Variants in CTNNA2 observed in about 807,000 individuals in gnomAD.
CTNNA2 encodes catenin alpha 2.
Under a neutral mutation model 101.0 loss-of-function variants are expected in CTNNA2, and 42 were observed. The observed-to-expected ratio is 0.42, with a 90% CI of 0.32 to 0.54. CTNNA2 has a LOEUF of 0.54. Ranked by LOEUF, CTNNA2 falls within the 20% of genes least tolerant of loss-of-function variation. CTNNA2 has a pLI of 0.14. For synonymous variants in CTNNA2, 450 were observed against 456.4 expected, an observed-to-expected ratio of 0.99 and a Z score of 0.18; for missense variants, 871 against 1,223.1, an observed-to-expected ratio of 0.71 and a Z score of 4.29.
chr2:80,565,547 GT>G (rs1693982667), intron 12 of CTNNA2, among the ~76,000 whole-genome samples: 1 of 151,168 alleles, frequency 6.6e-6, no homozygotes, highest in Non-Finnish European at 1.5e-5. Flanking sequence ...GGTGAATCGT[GT>G]GGTTGTACCT....
At chr2:80,207,995 A>G (rs1707635371) in intron 7 of CTNNA2, among the ~76,000 whole-genome samples, 1 of 152,238 alleles carries the variant, frequency 6.6e-6, no homozygotes, top group Admixed American at 6.5e-5. Context: ...AGATCAGATG[A>G]AATAAGAACT....
chr2:80,633,986 A>C (rs1385059815), intron 18 of CTNNA2, among the ~76,000 whole-genome samples: 2 of 152,262 alleles, frequency 1.3e-5, no homozygotes, highest in African/African-American at 4.8e-5. Flanking sequence ...TGACAATCTC[A>C]TGTATTTGCA....
intron 7 of CTNNA2, among the ~76,000 whole-genome samples, chr2:80,203,964 C>T (rs1393053254): frequency 1.3e-5 from 2 of 152,232 alleles, no homozygotes; most frequent in Non-Finnish European, 2.9e-5. Flanking sequence ...CATGTGGAAG[C>T]TGCCAAGGCT....
chr2:79,704,599 G>A (rs1170069735), intron 2 of CTNNA2, among the ~76,000 whole-genome samples: 2 of 144,436 alleles, frequency 1.4e-5, no homozygotes, highest in Non-Finnish European at 3.0e-5. Context: ...TGCAAGCTCC[G>A]CCTCCCGGGT....
intron 1 of CTNNA2, among the ~76,000 whole-genome samples, chr2:79,197,415 T>C (rs750970391): frequency 6.6e-6 from 1 of 152,216 alleles, no homozygotes; most frequent in East Asian, 1.9e-4. Flanking sequence ...TGGGGCAAAA[T>C]ATAGAAGCTG....
At chr2:79,915,077 CA>C (rs1162795875) in intron 7 of CTNNA2, among the ~76,000 whole-genome samples, 1 of 151,850 alleles carries the variant, frequency 6.6e-6, no homozygotes, top group Admixed American at 6.6e-5. Flanking sequence ...TGCTGTTCCA[CA>C]ACACTAGATG....
intron 7 of CTNNA2, among the ~76,000 whole-genome samples, chr2:80,370,416 G>A (rs922048861): frequency 2.0e-5 from 3 of 152,154 alleles, no homozygotes; most frequent in East Asian, 1.9e-4. Flanking sequence ...TGTTCAAAAT[G>A]TTTAATATAG....
At chr2:79,905,369 A>G (rs932998463) in intron 6 of CTNNA2, among the ~76,000 whole-genome samples, 24 of 152,222 alleles carry the variant, frequency 1.6e-4, no homozygotes, top group African/African-American at 5.3e-4. Context: ...AAAAGATAAA[A>G]TGACTAAATG....
chr2:80,086,155 A>G (rs918985144), intron 7 of CTNNA2, among the ~76,000 whole-genome samples: 1 of 152,080 alleles, frequency 6.6e-6, no homozygotes, highest in Non-Finnish European at 1.5e-5. Context: ...TTTGACCCAA[A>G]TGTTGCAGAT....
intron 2 of CTNNA2, among the ~76,000 whole-genome samples, chr2:79,703,049 A>C (rs1452650735): frequency 1.3e-5 from 2 of 152,188 alleles, no homozygotes; most frequent in African/African-American, 4.8e-5. Flanking sequence ...AACACAGGGA[A>C]ATAGAGAACA....
intron 4 of CTNNA2, among the ~76,000 whole-genome samples, chr2:79,471,628 G>C (rs1671000279): frequency 6.6e-6 from 1 of 152,128 alleles, no homozygotes; most frequent in African/African-American, 2.4e-5. Context: ...CACGAGATCA[G>C]GAGATCGAGA....
chr2:79,662,408 G>C (rs2104533945), intron 2 of CTNNA2, among the ~76,000 whole-genome samples: 1 of 152,238 alleles, frequency 6.6e-6, no homozygotes, highest in African/African-American at 2.4e-5. Flanking sequence ...GAAAAATAAT[G>C]ATATCTTTAT....
rs1178536900 is a variant in CTNNA2 at position 80,126,634 on chromosome 2, C to CCCTTCCTTCCTTCCTT, written c.1056+216857_1056+216872dup. Reference sequence around the variant, plus strand: ...TCCCTCCCTCCCTCCCTCCCTCCCTCCCTTCCTTCCTTCCTTCCTTCCTTC... The same window carrying CCCTTCCTTCCTTCCTT: ...TCCCTCCCTCCCTCCCTCCCTCCCTCCCTTCCTTCCTTCCTTCCTTCCTTCCTTCCTTCCTTCCTTC... On this transcript the variant is annotated intron_variant, in intron 7 of 18. Coordinates refer to ENST00000402739, the MANE Select transcript of CTNNA2 (RefSeq NM_001282597.3). Among the ~76,000 whole-genome samples, 201 of 26,192 alleles carry CCCTTCCTTCCTTCCTT rather than the reference C, an allele frequency of 7.7e-3. 3 individuals carry two copies. The highest frequency in any genetic ancestry group is 0.05 in the Middle Eastern group (1 of 20). The allele number at this position is 26,192 out of a possible 152,430, so 17.2% of individuals were successfully genotyped here.
intron 9 of CTNNA2, among the ~76,000 whole-genome samples, chr2:80,493,811 A>T (rs903426392): frequency 1.3e-5 from 2 of 152,204 alleles, no homozygotes; most frequent in African/African-American, 4.8e-5. Flanking sequence ...AGGCTGATGA[A>T]CTTGTAAAGG....
chr2:80,189,798 T>C (rs755396822), intron 7 of CTNNA2, among the ~76,000 whole-genome samples: 64 of 151,014 alleles, frequency 4.2e-4, no homozygotes, highest in Non-Finnish European at 7.7e-4. Context: ...AACAAAAAAA[T>C]ATTTCCCCAT....
intron 3 of CTNNA2, among the ~76,000 whole-genome samples, chr2:79,353,159 T>A (rs1407890067): frequency 6.6e-6 from 1 of 152,218 alleles, no homozygotes. Flanking sequence ...TATCAACTGC[T>A]TTAACTGCAT....
At chr2:80,026,451 A>G (rs1694931229) in intron 7 of CTNNA2, among the ~76,000 whole-genome samples, 2 of 152,150 alleles carry the variant, frequency 1.3e-5, no homozygotes, top group Non-Finnish European at 1.5e-5. Flanking sequence ...TCTTGTGAAA[A>G]TATGTATTTA....
chr2:79,191,812 T>C (rs1272561992), intron 1 of CTNNA2, among the ~76,000 whole-genome samples: 4 of 152,188 alleles, frequency 2.6e-5, no homozygotes, highest in Non-Finnish European at 5.9e-5. Context: ...GCAAACATGT[T>C]ATGTCACATA....
At chr2:80,148,468 G>A (rs1703489789) in intron 7 of CTNNA2, among the ~76,000 whole-genome samples, 1 of 152,232 alleles carries the variant, frequency 6.6e-6, no homozygotes, top group African/African-American at 2.4e-5. Flanking sequence ...AGGCCTCTAG[G>A]CCTGCAGGGG....
Sources: allele counts gnomAD v4.1 joint callset (sites outside exome capture counted in the v4.1 genomes callset), GRCh38; gene constraint gnomAD v4.1.1; transcripts MANE v1.5; gene names NCBI Gene and HGNC (gene_info 2026-07-23, HGNC 2026-07-21).